TTN: variants seen among roughly 807,000 people sequenced by gnomAD.
TTN encodes connectin.
In TTN, 1,525 loss-of-function variants were observed where a neutral mutation model predicts 3,223.0. That is an observed-to-expected ratio of 0.47 (90% CI 0.45 to 0.49). TTN has a LOEUF of 0.49. Among genes scored for constraint, TTN ranks in the 20% least tolerant of loss-of-function variants. TTN has a pLI of 0.00. For synonymous variants in TTN, 14,094 were observed against 15,161.0 expected (o/e 0.93, Z 5.17); for missense variants, 40,786 against 43,424.0 (o/e 0.94, Z 5.40).
Position 178,571,014 on chromosome 2 carries a change from C to T in TTN, c.75118G>A (p.Gly25040Ser), listed in dbSNP as rs766830553. ...PTYDGGSKITGYIVEKKELPE... is the reference protein window; with the variant it reads ...PTYDGGSKITSYIVEKKELPE... ...AATTCTTTCTTCTCAACAATATAAC[C>T]AGTGATCTTGCTTCCACCGTCATAG... Residue 25040 changes from glycine (G) to serine (S), a missense_variant, in exon 326 of 363, where the codon GGT (glycine) becomes AGT (serine). Physicochemically the swap from Gly to Ser is moderately conservative, Grantham distance 56. Transcript: ENST00000589042. 14 of 1,612,652 alleles carry T rather than the reference C, an allele frequency of 8.7e-6. No individual in the cohort carries two copies. The highest frequency in any genetic ancestry group is 1.6e-4 in the Middle Eastern group (1 of 6,072).
chr2:178,652,473 C>A lies in TTN; in HGVS notation c.39112G>T (p.Val13038Phe). 6.2e-7 allele frequency: 1 copy of A among 1,613,582 alleles called. No homozygotes were observed. Among genetic ancestry groups the A allele is most frequent in the Non-Finnish European group, 8.5e-7 (1 of 1,179,634 alleles). ...VPAAPPKKPE[V>F]TPVKVPEAPK... ...TGACAAATACCTTTAACAGGTGTGA[C>A]TTCAGGCTTTTTAGGAGGAGCCGCT... The change falls in exon 202 of 363, where the codon GTC becomes TTC. Residue 13038 changes from valine (V) to phenylalanine (F), a missense_variant. Coordinates refer to ENST00000589042, the MANE Select transcript of TTN (RefSeq NM_001267550.2).
Position 178,573,108 on chromosome 2 carries a change from T to C in TTN, c.73024A>G (p.Ile24342Val), listed in dbSNP as rs1051443527. Residue 24342 changes from isoleucine (I) to valine (V), a missense_variant, in exon 326 of 363, where the codon ATC becomes GTC. Transcript: ENST00000589042. Reference sequence around the variant, plus strand: ...TCATAGATAGGTTTATTCCAAGCGATTGAAATGGATGATCTGCTTGTATCC... The same window carrying C: ...TCATAGATAGGTTTATTCCAAGCGACTGAAATGGATGATCTGCTTGTATCC... ...VLDTSRSSIS[I>V]AWNKPIYDGG... The C allele has an allele frequency of 3.7e-6, 6 of 1,613,300 alleles. No homozygotes were observed. The highest frequency in any genetic ancestry group is 2.7e-5 in the African/African-American group (2 of 74,976).
At position 178,726,328 on chromosome 2, in the gene TTN, A is replaced by C. The variant is rs2129110; in HGVS notation, c.20276-282T>G. On this transcript the variant is annotated intron_variant, in intron 69 of 362. Coordinates refer to ENST00000589042, the MANE Select transcript of TTN (RefSeq NM_001267550.2). Reference sequence around the variant, plus strand: ...GATGTATCTTAGGCTACAAAGATTGATACAAAAATTGCAAACAAGCAAGTA... The same window carrying C: ...GATGTATCTTAGGCTACAAAGATTGCTACAAAAATTGCAAACAAGCAAGTA... 38,547 of 272,688 alleles carry C rather than the reference A, an allele frequency of 0.14. 3,924 individuals are homozygous for C. The highest frequency in any genetic ancestry group is 0.44 in the East Asian group (6,951 of 15,724). 16.9% of individuals were successfully genotyped at this position (272,688 alleles called of 1,614,324 possible). A position where few individuals can be genotyped will look rare whatever the true frequency, so the allele number is the denominator to read the frequency against.
chr2:178,552,794 C>A lies in TTN; in HGVS notation c.90106G>T (p.Asp30036Tyr), dbSNP rs959063938. ...TTTGTTGAGTCTTTCATTGAGAGAT[C>A]ACGTATAGGAGCTGGTACTTCAGCA... ...KAAEVPAPIR[D>Y]LSMKDSTKTS... Residue 30036 changes from aspartate to tyrosine, a missense_variant, in exon 335 of 363, where the codon GAT becomes TAT. Physicochemically the swap from Asp to Tyr is radical, Grantham distance 160. Transcript: ENST00000589042. 2.5e-6 allele frequency: 4 copies of A among 1,613,876 alleles called. No individual in the cohort carries two copies. Among genetic ancestry groups the A allele is most frequent in the East Asian group, 4.5e-5 (2 of 44,856 alleles).
Position 178,560,056 on chromosome 2 carries a change from T to A in TTN, c.86076A>T (p.Lys28692Asn). 6.2e-7 allele frequency: 1 copy of A among 1,613,674 alleles called. No individual in the cohort carries two copies. Among genetic ancestry groups the A allele is most frequent in the Non-Finnish European group, 8.5e-7 (1 of 1,179,782 alleles). Residue 28692 changes from lysine to asparagine, a missense_variant, in exon 326 of 363, where the codon AAA (lysine) becomes AAT (asparagine). Physicochemically the swap from Lys to Asn is moderately conservative, Grantham distance 94. Transcript: ENST00000589042. The stretch of plus-strand genomic sequence containing the variant: ...AAGTTTTCCAGTCAGTGTCATCAGA[T>A]TTTTTGTATTCTACAGTATATCCAG... The part of the protein sequence containing the change: ...PITGYTVEYK[K>N]SDDTDWKTSI...
At position 178,545,558 on chromosome 2, in the gene TTN, CTCT is replaced by C. The variant is rs727504556; in HGVS notation, c.95549_95551del (p.Lys31850del). 52 of 1,613,620 alleles carry C rather than the reference CTCT, an allele frequency of 3.2e-5. No individual in the cohort carries two copies. Among genetic ancestry groups the C allele is most frequent in the Non-Finnish European group, 4.2e-5 (49 of 1,179,724 alleles). On this transcript the variant is annotated inframe_deletion, in exon 344 of 363. Transcript: ENST00000589042. ...TTTGTTGACACGTGTCCAGCGCAGGCTCTTCTTCTCACGTTTGTCTACTAGGTA... is the reference window on the plus strand; with the variant it reads ...TTTGTTGACACGTGTCCAGCGCAGGCTCTTCTCACGTTTGTCTACTAGGTA...
At position 178,584,924 on chromosome 2, in the gene TTN, C is replaced by G. The variant is rs760347376; in HGVS notation, c.64717G>C (p.Asp21573His). 2.5e-6 allele frequency: 4 copies of G among 1,613,274 alleles called. No individual in the cohort carries two copies. Residue 21573 changes from aspartate to histidine, a missense_variant, in exon 310 of 363, where the codon GAC (aspartate) becomes CAC (histidine). By Grantham distance (81) the Asp-to-His change is moderately conservative. Transcript: ENST00000589042. Reference sequence around the variant, plus strand: ...CATGACAGGGAGCAAGCATCAGCGTCTATATCAGAAATGTCAAATGGAGGC... The same window carrying G: ...CATGACAGGGAGCAAGCATCAGCGTGTATATCAGAAATGTCAAATGGAGGC... ...PQPPFDISDI[D>H]ADACSLSWHI... is the part of the protein sequence containing the mutation.
At position 178,537,612 on chromosome 2, in the gene TTN, C is replaced by T; in HGVS notation, c.99595G>A (p.Gly33199Ser). The T allele has an allele frequency of 6.2e-7, 1 of 1,613,576 alleles. No individual in the cohort carries two copies. The highest frequency in any genetic ancestry group is 8.5e-7 in the Non-Finnish European group (1 of 1,179,630). Residue 33199 changes from glycine to serine, a missense_variant, in exon 355 of 363, where the codon GGT (glycine) becomes AGT (serine). By Grantham distance (56) the Gly-to-Ser change is moderately conservative (BLOSUM62 0). Transcript: ENST00000589042. ...LLQATPQFHP[G>S]YPLKEKYYGA... ...TAATATTTCTCTTTCAGTGGGTAAC[C>T]AGGATGGAACTGCGGTGTTGCTTGC...
rs794727434 is a variant in TTN, at chr2:178,579,978, C to T, written c.67309G>A (p.Gly22437Ser). The change falls in exon 318 of 363, where the codon GGT becomes AGT. Residue 22437 changes from glycine (G) to serine (S), a missense_variant. Physicochemically the swap from Gly to Ser is moderately conservative, Grantham distance 56. Coordinates refer to ENST00000589042, the MANE Select transcript of TTN (RefSeq NM_001267550.2). ...GCATCACGAGTTTCACCGGGATCAC[C>T]AATGCCATACTCATTTTCAGCAAAC... ...RVFAENEYGI[G>S]DPGETRDAVK... 2 of 1,613,106 alleles carry T rather than the reference C, an allele frequency of 1.2e-6. No individual in the cohort carries two copies. The highest frequency in any genetic ancestry group is 2.2e-5 in the East Asian group (1 of 44,774).
chr2:178,707,498 C>T (rs1467937570), intron 100 of TTN, 28 bp downstream of exon 100: 4 of 1,573,064 alleles, frequency 2.5e-6, no homozygotes, highest in South Asian at 1.2e-5. Context: ...CTGGCTTGAG[C>T]TGCATAATAC....
At chr2:178,714,245 GGTGA>G in intron 91 of TTN, 43 bp downstream of exon 91, 1 of 1,596,656 alleles carries the variant, frequency 6.3e-7, no homozygotes, top group Non-Finnish European at 8.5e-7. Context: ...TACAGATCCT[GGTGA>G]GTGTGTGCCT....
In TTN at chr2:178,543,403, A is replaced by G. The variant is rs1223460802; in HGVS notation, c.96570T>C (p.Pro32190=). Residue 32190 remains proline, a synonymous_variant, in exon 347 of 363, where the codon CCT becomes CCC. Coordinates refer to ENST00000589042, the MANE Select transcript of TTN (RefSeq NM_001267550.2). ...CCAGTACTGCATCAGATGTTTCACA[A>G]GGTTCTCCAATGCCATAAATATTTT... ...LPENIYGIGE[P]CETSDAVLVS... is the part of the protein sequence containing the mutation. 1 of 1,613,872 alleles carries G rather than the reference A, an allele frequency of 6.2e-7. No homozygotes were observed. Among genetic ancestry groups the G allele is most frequent in the Non-Finnish European group, 8.5e-7 (1 of 1,179,816 alleles).
In TTN at chr2:178,786,063, C is replaced by T. The variant is rs765404174; in HGVS notation, c.2155G>A (p.Glu719Lys). Residue 719 changes from glutamate (E) to lysine (K), a missense_variant, in exon 14 of 363, where the codon GAG becomes AAG. Transcript: ENST00000589042. ...VDQARVREPR[E>K]PGHLEESYAQ... is the part of the protein sequence containing the mutation. Reference sequence around the variant, plus strand: ...TAGGATTCTTCAAGATGCCCAGGCTCTCTGGGCTCTCTGACTCGGGCCTGG... The same window carrying T: ...TAGGATTCTTCAAGATGCCCAGGCTTTCTGGGCTCTCTGACTCGGGCCTGG... 6.2e-7 allele frequency: 1 copy of T among 1,614,112 alleles called. No individual in the cohort carries two copies. The highest frequency in any genetic ancestry group is 1.1e-5 in the South Asian group (1 of 91,082).
chr2:178,546,189 G>A (rs1398960273), intron 342 of TTN, 23 bp downstream of exon 342: 1 of 1,596,868 alleles, frequency 6.3e-7, no homozygotes, highest in Non-Finnish European at 8.5e-7. Context: ...CTATATAAAT[G>A]TGAGAACATT....
chr2:178,738,457 C>G (rs2081913117), intron 48 of TTN, 97 bp from the exon 49 acceptor site: 3 of 1,402,458 alleles, frequency 2.1e-6, no homozygotes, highest in African/African-American at 1.4e-5. Flanking sequence ...TGGAGTAAAA[C>G]AGTTGAAATT....
chr2:178,544,118 G>A lies in TTN; in HGVS notation c.96029-3C>T. The A allele has an allele frequency of 2.5e-6, 4 of 1,603,808 alleles. No individual in the cohort carries two copies. The highest frequency in any genetic ancestry group is 3.4e-6 in the Non-Finnish European group (4 of 1,173,516). On this transcript the variant is annotated splice_polypyrimidine_tract_variant and splice_region_variant and intron_variant, in intron 345 of 362. Coordinates refer to ENST00000589042, the MANE Select transcript of TTN (RefSeq NM_001267550.2). ...TGCAAGCTCAAGATCTGGTATTTCT[G>A]GAAAGTTAATGACAAAATTTAATTA... is the stretch of plus-strand genomic sequence containing the variant.
intron 283 of TTN, 45 bp from the exon 284 acceptor site, chr2:178,602,195 C>G (rs2053628936): frequency 1.3e-6 from 2 of 1,592,324 alleles, no homozygotes; most frequent in Non-Finnish European, 1.7e-6. Flanking sequence ...TCATATTTGT[C>G]AAAAGTAATT....
At chr2:178,598,104 A>G in intron 292 of TTN, 46 bp from the exon 293 acceptor site, 1 of 1,580,840 alleles carries the variant, frequency 6.3e-7, no homozygotes, top group Non-Finnish European at 8.6e-7. Context: ...AGTTCTTTGT[A>G]GCTTCTTGCT....
At chr2:178,681,010 A>G in intron 138 of TTN, 69 bp downstream of exon 138, 1 of 1,287,208 alleles carries the variant, frequency 7.8e-7, no homozygotes, top group South Asian at 1.4e-5. Flanking sequence ...AAATGAAATG[A>G]ATCATAGTTA....
Sources: gnomAD v4.1 joint callset for allele counts on GRCh38, gnomAD v4.1.1 for gene constraint, MANE v1.5 for transcripts, NCBI Gene and HGNC (gene_info 2026-07-23, HGNC 2026-07-21) for gene names.